The following POLN variants were observed in gnomAD, a reference collection of about 807,000 sequenced individuals.
POLN encodes DNA polymerase nu.
Under a neutral mutation model 113.5 loss-of-function variants are expected in POLN, and 108 were observed. The ratio of observed to expected loss-of-function variants is 0.95; its 90% confidence interval spans 0.81 to 1.12. The LOEUF is 1.12. Among genes scored for constraint, POLN ranks in the 50% most tolerant of loss-of-function variants. POLN has a pLI of 0.00. For missense variants in POLN, 1,097 were observed against 1,077.1 expected (o/e 1.02, Z -0.26); for synonymous variants, 386 against 391.5 (o/e 0.99, Z 0.17).
chr4:2,086,239 C>T lies in POLN; in HGVS notation c.2066-495G>A, dbSNP rs559429650. On this transcript the variant is annotated intron_variant, in intron 20 of 25. Transcript: ENST00000511885. ...TCTATAATCCCAGCACTTTAGGAGG[C>T]TGAGGCAGACGGATCACTTGAGGCC... Among the ~76,000 whole-genome samples the T allele has an allele frequency of 3.9e-5, 6 of 152,270 alleles. No individual in the cohort carries two copies. The South Asian group carries it at 6.2e-4, about 16-fold the overall frequency.
chr4:2,182,696 G>A (rs1733173072), intron 7 of POLN, among the ~76,000 whole-genome samples: 1 of 151,976 alleles, frequency 6.6e-6, no homozygotes, highest in Non-Finnish European at 1.5e-5. Flanking sequence ...TAACCTCAGA[G>A]AGAATATGAT....
Position 2,241,564 on chromosome 4 carries a change from C to G in POLN, c.-57G>C, listed in dbSNP as rs1734989528. 1 of 985,664 alleles carries G rather than the reference C, an allele frequency of 1.0e-6. No homozygotes were observed. Among genetic ancestry groups the G allele is most frequent in the Admixed American group, 6.1e-5 (1 of 16,276 alleles). The allele number at this position is 985,664 out of a possible 1,614,324, so 61.1% of individuals were successfully genotyped here. ...AGGCTCCACCTCCAGAGTCCACCAC[C>G]GCGACGCGGAGAACAGCAGGAGCAG... On this transcript the variant is annotated 5_prime_UTR_variant, in exon 2 of 26. Transcript: ENST00000511885.
chr4:2,149,296 A>AAAACAAAC (rs149342459), intron 16 of POLN, among the ~76,000 whole-genome samples: 26 of 150,792 alleles, frequency 1.7e-4, no homozygotes, highest in East Asian at 5.9e-4. Context: ...CCCTATCTCA[A>AAAACAAAC]AAACAAACAA....
At chr4:2,081,447 C>T in intron 22 of POLN, 186 bp downstream of exon 22, 2 of 650,328 alleles carry the variant, frequency 3.1e-6, no homozygotes, top group East Asian at 2.8e-5. Context: ...ACAAAGATGA[C>T]CGTGTCCCCT....
chr4:2,181,923 C>A (rs1240452577), intron 7 of POLN, among the ~76,000 whole-genome samples: 1 of 151,734 alleles, frequency 6.6e-6, no homozygotes, highest in Non-Finnish European at 1.5e-5. Context: ...TGGTGTGAAC[C>A]CAGGAGGCGG....
At chr4:2,213,493 T>C (rs1028000775) in intron 3 of POLN, among the ~76,000 whole-genome samples, 1 of 152,200 alleles carries the variant, frequency 6.6e-6, no homozygotes, top group Non-Finnish European at 1.5e-5. Flanking sequence ...GTGGAACAAT[T>C]GAAGGTTCAG....
intron 2 of POLN, chr4:2,231,845 A>G: frequency 4.6e-6 from 3 of 653,166 alleles, no homozygotes; most frequent in Non-Finnish European, 8.0e-6. Context: ...CTCAAATTTT[A>G]AAAATTTAGT....
At position 2,186,807 on chromosome 4, in the gene POLN, G is replaced by A. The variant is rs147990225; in HGVS notation, c.1021+6397C>T. Among the ~76,000 whole-genome samples the A allele has an allele frequency of 2.0e-4, 31 of 152,340 alleles. No homozygotes were observed. The East Asian group carries it at 5.8e-3, about 28-fold the overall frequency. On this transcript the variant is annotated intron_variant, in intron 7 of 25. Coordinates refer to ENST00000511885, the MANE Select transcript of POLN (RefSeq NM_181808.4). ...GACTGACCTTAACAGGATGGCGACA[G>A]TGAAGCTCTTTGATCAAGAATTCAA...
At position 2,127,401 on chromosome 4, in the gene POLN, TGCAGCTG is replaced by T; in HGVS notation, c.1982+705_1982+711del. Among the ~76,000 whole-genome samples, 1 of 152,152 alleles carries T rather than the reference TGCAGCTG, an allele frequency of 6.6e-6. No individual in the cohort carries two copies. The highest frequency in any genetic ancestry group is 6.5e-5 in the Admixed American group (1 of 15,278). ...TGGAGTATAATCTCTCCACCTCCCT[TGCAGCTG>T]GTGCAGCTGCATGACCTGCTCTAGA... On this transcript the variant is annotated intron_variant, in intron 19 of 25. Transcript: ENST00000511885. This position sits in a 1 kb window ranked among gnomAD's most constrained non-coding sequence, Gnocchi z 4.7.
chr4:2,156,121 C>T (rs613861), intron 16 of POLN, among the ~76,000 whole-genome samples: 114,219 of 152,126 alleles, frequency 0.75, 45,583 homozygotes, highest in Non-Finnish European at 0.89. Context: ...CATGAGCCAC[C>T]GCGCCTGGCC....
At chr4:2,087,112 T>C (rs981812341) in intron 20 of POLN, among the ~76,000 whole-genome samples, 3 of 152,226 alleles carry the variant, frequency 2.0e-5, no homozygotes, top group South Asian at 4.1e-4. Context: ...TAGGGTGCCC[T>C]GTTCTCCCAA....
intron 19 of POLN, among the ~76,000 whole-genome samples, chr4:2,100,731 G>A (rs781040024): frequency 7.2e-5 from 11 of 152,116 alleles, no homozygotes; most frequent in African/African-American, 1.4e-4. Context: ...TACTGATGCA[G>A]GAGTAAAAAT....
At chr4:2,224,210 G>GGCCT (rs1302259744) in intron 3 of POLN, among the ~76,000 whole-genome samples, 1 of 151,882 alleles carries the variant, frequency 6.6e-6, no homozygotes, top group Non-Finnish European at 1.5e-5. Context: ...CATTAGCCTA[G>GGCCT]GCCTACACAG....
At chr4:2,073,084 GA>G (rs1177672406) in intron 24 of POLN, 55 bp from the exon 25 acceptor site, 2 of 1,572,412 alleles carry the variant, frequency 1.3e-6, no homozygotes, top group Non-Finnish European at 8.7e-7. Context: ...TGGGGCCTGG[GA>G]GCCGAAGATA....
intron 19 of POLN, among the ~76,000 whole-genome samples, chr4:2,123,983 A>T (rs1731515022): frequency 6.6e-6 from 1 of 152,204 alleles, no homozygotes; most frequent in South Asian, 2.1e-4. Flanking sequence ...AGAATATATT[A>T]TTCCATATAA....
intron 5 of POLN, among the ~76,000 whole-genome samples, chr4:2,206,636 T>C (rs1217560186): frequency 6.6e-6 from 1 of 152,064 alleles, no homozygotes; most frequent in Non-Finnish European, 1.5e-5. Context: ...GGCCAACGAA[T>C]ATATGAAAAA....
chr4:2,154,198 CAAAAAAAA>C (rs58879582), intron 16 of POLN, among the ~76,000 whole-genome samples: 445 of 63,956 alleles, frequency 7.0e-3, no homozygotes, highest in Middle Eastern at 0.038. Context: ...TCCATCTCAA[CAAAAAAAA>C]AAAAAAAAAA....
chr4:2,120,797 C>T (rs1357758768), intron 19 of POLN, among the ~76,000 whole-genome samples: 2 of 152,046 alleles, frequency 1.3e-5, no homozygotes, highest in Non-Finnish European at 2.9e-5. Context: ...GCCTGGCCAT[C>T]TTTGGAGTGA....
At chr4:2,162,016 A>T (rs1350160057) in intron 13 of POLN, among the ~76,000 whole-genome samples, 1 of 152,132 alleles carries the variant, frequency 6.6e-6, no homozygotes, top group Non-Finnish European at 1.5e-5. Flanking sequence ...CGCCCTGTCA[A>T]AACAGACCAC....
Sources: gnomAD v4.1 joint callset for allele counts (sites outside exome capture counted in the v4.1 genomes callset) on GRCh38, gnomAD v4.1.1 for gene constraint, Gnocchi (gnomAD v3.1) non-coding constraint, MANE v1.5 for transcripts, NCBI Gene and HGNC (gene_info 2026-07-23, HGNC 2026-07-21) for gene names.